Variants in PTPRM observed in about 807,000 individuals in gnomAD.
PTPRM encodes receptor-type tyrosine-protein phosphatase mu.
A neutral mutation model predicts 186.7 loss-of-function variants in PTPRM; 47 were observed. The ratio of observed to expected loss-of-function variants is 0.25; its 90% CI spans 0.20 to 0.32. PTPRM has a LOEUF of 0.32. Ranked by LOEUF, PTPRM falls within the 10% of genes least tolerant of loss-of-function variation. The pLI is 1.00. For missense variants in PTPRM, 1,494 were observed against 1,865.0 expected (o/e 0.80, Z 3.66); for synonymous variants, 668 against 674.9 (o/e 0.99, Z 0.16).
At chr18:7,821,914 G>C (rs1359102340) in intron 2 of PTPRM, among the ~76,000 whole-genome samples, 8 of 152,128 alleles carry the variant, frequency 5.3e-5, no homozygotes, top group Non-Finnish European at 8.8e-5. Context: ...TTGAAACTTA[G>C]GAATTGTTTA....
chr18:8,260,088 C>T (rs1287894098), intron 19 of PTPRM, among the ~76,000 whole-genome samples: 2 of 152,304 alleles, frequency 1.3e-5, no homozygotes, highest in East Asian at 1.9e-4. Context: ...AAGCATGGCA[C>T]TGCCTTCTGG....
At chr18:8,278,837 G>A (rs945995718) in intron 19 of PTPRM, among the ~76,000 whole-genome samples, 1 of 152,088 alleles carries the variant, frequency 6.6e-6, no homozygotes, top group Non-Finnish European at 1.5e-5. Flanking sequence ...TTGTTGTCTT[G>A]ACTTGTTTTT....
intron 1 of PTPRM, among the ~76,000 whole-genome samples, chr18:7,594,507 A>C (rs1372322667): frequency 6.6e-6 from 1 of 151,394 alleles, no homozygotes; most frequent in African/African-American, 2.4e-5. Context: ...CCAAACAAAC[A>C]AAAAAAAGAA....
At chr18:8,384,503 C>A in intron 29 of PTPRM, 58 bp from the exon 30 acceptor site, 1 of 1,591,606 alleles carries the variant, frequency 6.3e-7, no homozygotes, top group East Asian at 2.2e-5. Flanking sequence ...CTTATCCAAA[C>A]TGTTAGGAGT....
chr18:7,616,345 G>A (rs1371862529), intron 1 of PTPRM, among the ~76,000 whole-genome samples: 1 of 152,124 alleles, frequency 6.6e-6, no homozygotes, highest in Non-Finnish European at 1.5e-5. Flanking sequence ...TTTTTGTTGA[G>A]TTGGGGGTCT....
At position 8,289,234 on chromosome 18, in the gene PTPRM, C is replaced by T. The variant is rs185955872; in HGVS notation, c.2755-7134C>T. Among the ~76,000 whole-genome samples, 11 of 151,840 alleles carry T rather than the reference C, an allele frequency of 7.2e-5. No individual in the cohort carries two copies. The East Asian group carries it at 1.9e-3, about 27-fold the overall frequency. On this transcript the variant is annotated intron_variant, in intron 19 of 32. Transcript: ENST00000580170. ...CACCCCCCAATAGAGCTTCACAAAC[C>T]TCATAAGCATGTATGGATCAACAGG...
intron 1 of PTPRM, among the ~76,000 whole-genome samples, chr18:7,687,911 A>G (rs2039642639): frequency 1.3e-5 from 2 of 151,588 alleles, no homozygotes; most frequent in Non-Finnish European, 2.9e-5. Flanking sequence ...CCGAATAGCC[A>G]GGACTACAGG....
At chr18:7,949,897 T>TAA (rs1240097276) in intron 6 of PTPRM, among the ~76,000 whole-genome samples, 2 of 152,018 alleles carry the variant, frequency 1.3e-5, no homozygotes, top group African/African-American at 4.8e-5. Context: ...TGAGGGAAAA[T>TAA]AGAAAGGGGA....
chr18:8,081,035 A>G lies in PTPRM; in HGVS notation c.1551+4471A>G, dbSNP rs73387743. 9.4e-3 allele frequency among the ~76,000 whole-genome samples: 1,434 copies of G among 152,266 alleles called. 27 individuals carry two copies. The highest frequency in any genetic ancestry group is 0.033 in the African/African-American group (1,381 of 41,536). On this transcript the variant is annotated intron_variant, in intron 9 of 32. Transcript: ENST00000580170. ...TTCATTCCTTTGTTTTCTCAGAATA[A>G]TTGCTTAAACCTCAATTAGAGGATG...
At chr18:7,889,602 G>A (rs2146364735) in intron 3 of PTPRM, among the ~76,000 whole-genome samples, 1 of 152,216 alleles carries the variant, frequency 6.6e-6, no homozygotes. Flanking sequence ...GCCTCCCAGA[G>A]TGCTAGAATT....
chr18:8,015,721 T>C (rs531971843), intron 7 of PTPRM, among the ~76,000 whole-genome samples: 130 of 152,346 alleles, frequency 8.5e-4, no homozygotes, highest in Admixed American at 1.8e-3. Flanking sequence ...GAAAGTGTAT[T>C]ATTACTAATG....
At chr18:8,109,002 A>G (rs780577208) in intron 11 of PTPRM, among the ~76,000 whole-genome samples, 3 of 152,226 alleles carry the variant, frequency 2.0e-5, no homozygotes, top group Non-Finnish European at 2.9e-5. Flanking sequence ...TCAGTTTTCT[A>G]TTCTCAGAAA....
intron 1 of PTPRM, among the ~76,000 whole-genome samples, chr18:7,631,637 AT>A (rs1176217984): frequency 2.0e-5 from 3 of 151,662 alleles, no homozygotes; most frequent in Non-Finnish European, 2.9e-5. Context: ...AAACATTATG[AT>A]TTTTTTTGCA....
intron 20 of PTPRM, among the ~76,000 whole-genome samples, chr18:8,307,035 A>G (rs939512065): frequency 6.6e-6 from 1 of 152,164 alleles, no homozygotes; most frequent in Non-Finnish European, 1.5e-5. Flanking sequence ...CCAACAGTCT[A>G]TATCTGTTGT....
At position 8,088,866 on chromosome 18, in the gene PTPRM, G is replaced by A; in HGVS notation, c.1856+15G>A. ...GCACCTGTCAGGTATGGAACAGAGG[G>A]TTGGGCCGGCTCTAGATAGAAGAAA... On this transcript the variant is annotated intron_variant, in intron 11 of 32. Coordinates refer to ENST00000580170, the MANE Select transcript of PTPRM (RefSeq NM_001105244.2). 6.4e-7 allele frequency: 1 copy of A among 1,570,496 alleles called. No homozygotes were observed. Among genetic ancestry groups the A allele is most frequent in the Non-Finnish European group, 8.8e-7 (1 of 1,141,142 alleles).
At chr18:7,754,787 A>G (rs1309618884) in intron 1 of PTPRM, 1 of 152,232 alleles carries the variant, frequency 6.6e-6, no homozygotes, top group Non-Finnish European at 1.5e-5. Flanking sequence ...GGCCACAGAG[A>G]GCTGGATAGT....
At chr18:8,399,991 C>G (rs1393005277) in intron 32 of PTPRM, among the ~76,000 whole-genome samples, 1 of 152,154 alleles carries the variant, frequency 6.6e-6, no homozygotes, top group Admixed American at 6.5e-5. Flanking sequence ...TACTGAGTTG[C>G]TGGGAGAAAT....
At chr18:8,380,707 C>T (rs2095728304) in intron 29 of PTPRM, among the ~76,000 whole-genome samples, 2 of 152,308 alleles carry the variant, frequency 1.3e-5, no homozygotes, top group Admixed American at 6.5e-5. Context: ...GATGGAAATA[C>T]TCACTGGAGG....
chr18:8,175,761 C>T (rs773809021), intron 14 of PTPRM, among the ~76,000 whole-genome samples: 116 of 152,306 alleles, frequency 7.6e-4, no homozygotes, highest in Non-Finnish European at 3.5e-4. Flanking sequence ...AAGGTAATTT[C>T]GTTGGTTGCA....
Sources: allele counts gnomAD v4.1 joint callset (sites outside exome capture counted in the v4.1 genomes callset), GRCh38; gene constraint gnomAD v4.1.1; transcripts MANE v1.5; gene names NCBI Gene and HGNC (gene_info 2026-07-23, HGNC 2026-07-21).